The following MIA3 variants were observed in gnomAD, a reference collection of about 807,000 sequenced individuals.
MIA3 encodes MIA SH3 domain ER export factor 3, also known as transport and Golgi organization protein 1 homolog.
Under a neutral mutation model 192.4 loss-of-function variants are expected in MIA3, and 90 were observed. The observed-to-expected ratio is 0.47, with a 90% CI of 0.39 to 0.56. The LOEUF is 0.56. Ranked by LOEUF, MIA3 falls within the 20% of genes least tolerant of loss-of-function variation. The pLI is 0.00. For missense variants in MIA3, 2,123 were observed against 2,269.4 expected (o/e 0.94, Z 1.31); for synonymous variants, 740 against 792.8 (o/e 0.93, Z 1.12).
At chr1:222,626,756 A>G (rs1273523547) in intron 3 of MIA3, among the ~76,000 whole-genome samples, 4 of 152,162 alleles carry the variant, frequency 2.6e-5, no homozygotes, top group Non-Finnish European at 5.9e-5. Flanking sequence ...ACATTTTTAT[A>G]TCTCATGCAC....
rs574781732 is a variant in MIA3, at chr1:222,639,822, G to A, written c.3478-5732G>A. ...TGTTTTTCCCCCAAGATCCAGAAGT[G>A]AAACAAGAATGTCTACTCTCATTAC... On this transcript the variant is annotated intron_variant, in intron 6 of 27. Transcript: ENST00000344922. 4.0e-4 allele frequency among the ~76,000 whole-genome samples: 61 copies of A among 152,216 alleles called. No individual in the cohort carries two copies. The Middle Eastern group carries it at 0.014, about 34-fold the overall frequency.
chr1:222,625,645 A>G (rs2124831280), intron 3 of MIA3, among the ~76,000 whole-genome samples: 1 of 152,318 alleles, frequency 6.6e-6, no homozygotes, highest in African/African-American at 2.4e-5. Context: ...CATATCTGTA[A>G]GGCGCTAACT....
rs200475811 is a variant in MIA3 at position 222,630,123 on chromosome 1, C to T, written c.2903C>T (p.Pro968Leu). 1.9e-6 allele frequency: 3 copies of T among 1,614,060 alleles called. No homozygotes were observed. Among genetic ancestry groups the T allele is most frequent in the Admixed American group, 1.7e-5 (1 of 60,010 alleles). ...AAGTCAGCGCAGCAGGAGAGCCTGC[C>T]CTATAATATGGAAAAAGTCCTAGAT... The part of the protein sequence containing the change: ...KLKSAQQESL[P>L]YNMEKVLDKV... The change falls in exon 4 of 28, where the codon CCC (proline) becomes CTC (leucine). Residue 968 changes from proline to leucine, a missense_variant. Transcript: ENST00000344922.
chr1:222,644,239 C>T (rs1001750579), intron 6 of MIA3: 14 of 1,316,220 alleles, frequency 1.1e-5, no homozygotes, highest in African/African-American at 6.0e-5. Context: ...TCCGTCCGCT[C>T]TGGCCCCGCC....
At position 222,662,075 on chromosome 1, in the gene MIA3, A is replaced by G. The variant is rs764062269; in HGVS notation, c.5133A>G (p.Leu1711=). 9 of 1,613,970 alleles carry G rather than the reference A, an allele frequency of 5.6e-6. No homozygotes were observed. Among genetic ancestry groups the G allele is most frequent in the South Asian group, 2.2e-5 (2 of 91,074 alleles). ...CTCAAGGATCAGTGGACGGGCCTCT[A>G]CCTCATCCTCGATGGTCAGCTGAGG... ...RSEFGSVDGP[L]PHPRWSAEAS... is the part of the protein sequence containing the mutation. Residue 1711 remains leucine (L), a synonymous_variant, in exon 25 of 28, where the codon CTA becomes CTG. Coordinates refer to ENST00000344922, the MANE Select transcript of MIA3 (RefSeq NM_198551.4).
chr1:222,665,285 CT>C (rs1301425633), intron 27 of MIA3, 23 bp from the exon 28 acceptor site: 1 of 1,490,000 alleles, frequency 6.7e-7, no homozygotes, highest in Non-Finnish European at 9.0e-7. Context: ...TAGGAATTTA[CT>C]GGAAATAATT....
chr1:222,653,075 A>G lies in MIA3; in HGVS notation c.4154A>G (p.Glu1385Gly). ...CTCAGTGAGCAAATCAAATCATTTG[A>G]GAAGTCTCAGAAAGATTTGGAAGTA... Reference protein sequence around the residue: ...AELSEQIKSFEKSQKDLEVAL... With the variant: ...AELSEQIKSFGKSQKDLEVAL... The change falls in exon 14 of 28, where the codon GAG becomes GGG. Residue 1385 changes from glutamate to glycine, a missense_variant. Glu to Gly is a moderately conservative substitution (Grantham distance 98, BLOSUM62 -2). Transcript: ENST00000344922. 1 of 1,612,876 alleles carries G rather than the reference A, an allele frequency of 6.2e-7. No homozygotes were observed. Among genetic ancestry groups the G allele is most frequent in the Non-Finnish European group, 8.5e-7 (1 of 1,178,858 alleles).
At chr1:222,657,927 T>C (rs780455424) in intron 18 of MIA3, among the ~76,000 whole-genome samples, 4 of 152,234 alleles carry the variant, frequency 2.6e-5, no homozygotes, top group Non-Finnish European at 5.9e-5. Context: ...TATAGAAAAT[T>C]TGCAAGTATC....
At chr1:222,644,363 T>C (rs979202528) in intron 6 of MIA3, 55 of 1,503,810 alleles carry the variant, frequency 3.7e-5, no homozygotes, top group Non-Finnish European at 4.8e-5. Context: ...CGAAGTTCAA[T>C]CCCAGAGTCC....
intron 2 of MIA3, among the ~76,000 whole-genome samples, chr1:222,622,395 G>A (rs1661912604): frequency 6.6e-6 from 1 of 152,160 alleles, no homozygotes; most frequent in African/African-American, 2.4e-5. Flanking sequence ...GATATCTTTA[G>A]GATTGTCCCA....
rs1367654851 is a variant in MIA3 at position 222,629,212 on chromosome 1, T to C, written c.1992T>C (p.Ala664=). ...CCTGGCAACAAGAAAGAGATGTGGC[T>C]GCCACAGCCAGTAAGCAAATGAGTG... ...NLPWQQERDV[A]ATASKQMSEK... The change falls in exon 4 of 28, where the codon GCT becomes GCC. Residue 664 remains alanine, a synonymous_variant. Transcript: ENST00000344922. The C allele has an allele frequency of 6.2e-7, 1 of 1,614,212 alleles. No homozygotes were observed. Among genetic ancestry groups the C allele is most frequent in the African/African-American group, 1.3e-5 (1 of 75,062 alleles).
In MIA3 at chr1:222,666,700, A is replaced by ATGGG. The variant is rs1664304868; in HGVS notation, c.*1082_*1085dup. The ATGGG allele has an allele frequency of 1.4e-4, 1 of 7,164 alleles. No homozygotes were observed. The highest frequency in any genetic ancestry group is 3.1e-4 in the Non-Finnish European group (1 of 3,252). 0.4% of individuals were successfully genotyped at this position (7,164 alleles called of 1,614,324 possible). Reference sequence around the variant, plus strand: ...GAAATCAGTTCTGTTTTAGGGGGAAATGGGGGCGACAGATATTATTCCAAA... The same window carrying ATGGG: ...GAAATCAGTTCTGTTTTAGGGGGAAATGGGTGGGGGCGACAGATATTATTCCAAA... On this transcript the variant is annotated 3_prime_UTR_variant, in exon 28 of 28. Transcript: ENST00000344922.
intron 1 of MIA3, among the ~76,000 whole-genome samples, chr1:222,619,240 A>G (rs1444303979): frequency 2.6e-5 from 4 of 152,130 alleles, no homozygotes; most frequent in African/African-American, 7.2e-5. Flanking sequence ...TCTTCCCTCT[A>G]TGTTCGCCGG....
At position 222,654,230 on chromosome 1, in the gene MIA3, T is replaced by C. The variant is rs1571900862; in HGVS notation, c.4322-13T>C. 1 of 1,611,934 alleles carries C rather than the reference T, an allele frequency of 6.2e-7. No homozygotes were observed. The highest frequency in any genetic ancestry group is 8.5e-7 in the Non-Finnish European group (1 of 1,179,106). On this transcript the variant is annotated splice_polypyrimidine_tract_variant and intron_variant, in intron 15 of 27. Coordinates refer to ENST00000344922, the MANE Select transcript of MIA3 (RefSeq NM_198551.4). ...GAAGAAAAAGCAATGAAAGAAAGCCTTTTGTTTTTTAGGTGACCGGAATGA... is the reference window on the plus strand; with the variant it reads ...GAAGAAAAAGCAATGAAAGAAAGCCCTTTGTTTTTTAGGTGACCGGAATGA...
rs778718826 is a variant in MIA3 at position 222,621,275 on chromosome 1, G to A, written c.250G>A (p.Glu84Lys). Residue 84 changes from glutamate (E) to lysine (K), a missense_variant, in exon 2 of 28, where the codon GAA becomes AAA. Physicochemically the swap from Glu to Lys is moderately conservative, Grantham distance 56. Coordinates refer to ENST00000344922, the MANE Select transcript of MIA3 (RefSeq NM_198551.4). ...VYYKLARGWP[E>K]VWAGSVGRTF... ...CTATAAACTGGCAAGAGGATGGCCT[G>A]AAGTTTGGGCTGGAAGTGTAAGTAA... 1 of 1,607,286 alleles carries A rather than the reference G, an allele frequency of 6.2e-7. No homozygotes were observed. Among genetic ancestry groups the A allele is most frequent in the East Asian group, 2.2e-5 (1 of 44,870 alleles).
intron 2 of MIA3, among the ~76,000 whole-genome samples, chr1:222,623,971 T>C (rs1378763838): frequency 1.3e-5 from 2 of 152,252 alleles, no homozygotes; most frequent in African/African-American, 4.8e-5. Flanking sequence ...AATGGCAGTA[T>C]AGCACATCAT....
Position 222,650,652 on chromosome 1 carries a change from C to A in MIA3, c.3739C>A (p.His1247Asn). The change falls in exon 10 of 28, where the codon CAT (histidine) becomes AAT (asparagine). Residue 1247 changes from histidine to asparagine, a missense_variant. Around this residue, in one of 3 missense-constraint regions of MIA3, gnomAD observed 762 missense variants for 856.4 expected, o/e 0.89. Coordinates refer to ENST00000344922, the MANE Select transcript of MIA3 (RefSeq NM_198551.4). ...YEQKIKESKK[H>N]VQETRKQNMI... The stretch of plus-strand genomic sequence containing the variant: ...TATATAGATCAAGGAATCAAAGAAA[C>A]ATGTTCAGGAAACCAGGAAACAAAA... 1 of 1,591,666 alleles carries A rather than the reference C, an allele frequency of 6.3e-7. No homozygotes were observed. The highest frequency in any genetic ancestry group is 8.6e-7 in the Non-Finnish European group (1 of 1,165,498).
Position 222,662,079 on chromosome 1 carries a change from C to T in MIA3, c.5137C>T (p.His1713Tyr). ...AGGATCAGTGGACGGGCCTCTACCTCATCCTCGATGGTCAGCTGAGGCATC... is the reference window on the plus strand; with the variant it reads ...AGGATCAGTGGACGGGCCTCTACCTTATCCTCGATGGTCAGCTGAGGCATC... ...EFGSVDGPLP[H>Y]PRWSAEASGK... Residue 1713 changes from histidine to tyrosine, a missense_variant, in exon 25 of 28, where the codon CAT becomes TAT. By Grantham distance (83) the His-to-Tyr change is moderately conservative. Transcript: ENST00000344922. 1.2e-6 allele frequency: 2 copies of T among 1,614,078 alleles called. No homozygotes were observed. Among genetic ancestry groups the T allele is most frequent in the East Asian group, 2.2e-5 (1 of 44,882 alleles).
chr1:222,632,208 A>T lies in MIA3; in HGVS notation c.3213A>T (p.Thr1071=). ...LHEDNFSREK[T]AELNVQVPEE... ...AAGATAATTTCTCACGAGAGAAGAC[A>T]GCAGAACTTAATGTGCAGGTTCCTG... The change falls in exon 5 of 28, where the codon ACA becomes ACT. Residue 1071 remains threonine (T), a synonymous_variant. Coordinates refer to ENST00000344922, the MANE Select transcript of MIA3 (RefSeq NM_198551.4). 6.2e-7 allele frequency: 1 copy of T among 1,614,202 alleles called. No individual in the cohort carries two copies. Among genetic ancestry groups the T allele is most frequent in the Non-Finnish European group, 8.5e-7 (1 of 1,180,022 alleles).
Sources: gnomAD v4.1 joint callset for allele counts (sites outside exome capture counted in the v4.1 genomes callset) on GRCh38, gnomAD v4.1.1 for gene constraint, gnomAD v4.1.1 regional missense constraint, MANE v1.5 for transcripts, NCBI Gene and HGNC (gene_info 2026-07-23, HGNC 2026-07-21) for gene names.